The following JPH2 variants were observed in gnomAD, a reference collection of about 807,000 sequenced individuals.
JPH2 encodes junctophilin 2.
In JPH2, 38 loss-of-function variants were observed where a neutral mutation model predicts 55.9. That is an observed-to-expected ratio of 0.68 (90% CI 0.52 to 0.89). The LOEUF is 0.89. Ranked by LOEUF, JPH2 falls within the 40% of genes least tolerant of loss-of-function variation. The pLI is 0.00. For missense variants in JPH2, 964 were observed against 1,037.6 expected, an observed-to-expected ratio of 0.93 and a Z score of 0.97; for synonymous variants, 480 against 472.4, an observed-to-expected ratio of 1.02 and a Z score of -0.21.
chr20:44,165,653 G>T (rs1252024571), intron 1 of JPH2, among the ~76,000 whole-genome samples: 2 of 152,128 alleles, frequency 1.3e-5, no homozygotes, highest in Non-Finnish European at 2.9e-5. Context: ...ACTCCTCTGT[G>T]CTCCTCTCCC....
Position 44,186,759 on chromosome 20 carries a change from T to C in JPH2, c.-54A>G, listed in dbSNP as rs942166141. 3.2e-5 allele frequency: 50 copies of C among 1,560,090 alleles called. No homozygotes were observed. Among genetic ancestry groups the C allele is most frequent in the Non-Finnish European group, 3.9e-5 (45 of 1,146,694 alleles). ...TCCTCCAGCGTGGGTGCAGAGGGCGTGGGTGATGCCTGCAACACTCCTCCA... is the reference window on the plus strand; with the variant it reads ...TCCTCCAGCGTGGGTGCAGAGGGCGCGGGTGATGCCTGCAACACTCCTCCA... On this transcript the variant is annotated 5_prime_UTR_variant, in exon 1 of 6. Coordinates refer to ENST00000372980, the MANE Select transcript of JPH2 (RefSeq NM_020433.5).
chr20:44,120,848 G>A (rs1271809713), intron 2 of JPH2, among the ~76,000 whole-genome samples: 1 of 152,218 alleles, frequency 6.6e-6, no homozygotes. Flanking sequence ...ATGGGCAAGG[G>A]TTAGACAAGC....
At chr20:44,172,580 C>T (rs902575210) in intron 1 of JPH2, among the ~76,000 whole-genome samples, 2 of 152,170 alleles carry the variant, frequency 1.3e-5, no homozygotes, top group African/African-American at 4.8e-5. Context: ...GCAGCCTCAA[C>T]CTCCTGGGCT....
intron 3 of JPH2, among the ~76,000 whole-genome samples, chr20:44,116,903 G>A (rs2072197329): frequency 1.3e-5 from 2 of 152,224 alleles, no homozygotes; most frequent in South Asian, 4.1e-4. Context: ...TCGCTCCTAG[G>A]TTTTTCATCA....
intron 1 of JPH2, among the ~76,000 whole-genome samples, chr20:44,161,349 T>G (rs896100782): frequency 6.6e-6 from 1 of 152,052 alleles, no homozygotes; most frequent in Admixed American, 6.5e-5. Flanking sequence ...AGGCCCTGCA[T>G]GTACACAAGT....
chr20:44,128,585 G>A (rs1290626327), intron 2 of JPH2, among the ~76,000 whole-genome samples: 4 of 152,014 alleles, frequency 2.6e-5, no homozygotes, highest in East Asian at 1.9e-4. Context: ...AAGACATATT[G>A]TATGCACTAT....
chr20:44,133,175 A>G (rs2145852690), intron 2 of JPH2, among the ~76,000 whole-genome samples: 1 of 138,506 alleles, frequency 7.2e-6, no homozygotes, highest in Non-Finnish European at 1.5e-5. Flanking sequence ...ATGCCTTAAC[A>G]TACCTTGTTA....
chr20:44,181,405 A>G (rs1455286741), intron 1 of JPH2, among the ~76,000 whole-genome samples: 17 of 152,176 alleles, frequency 1.1e-4, no homozygotes, highest in Admixed American at 1.1e-3. Flanking sequence ...CTTTCAGAAA[A>G]TAATACTTTA....
intron 2 of JPH2, among the ~76,000 whole-genome samples, chr20:44,147,403 C>T (rs1264712042): frequency 6.6e-6 from 1 of 152,210 alleles, no homozygotes; most frequent in Non-Finnish European, 1.5e-5. Context: ...ACACTACGGA[C>T]TAGCATACAG....
At position 44,108,925 on chromosome 20, in the gene JPH2, A is replaced by G; in HGVS notation, c.*4593T>C. Among the ~76,000 whole-genome samples, 1 of 152,224 alleles carries G rather than the reference A, an allele frequency of 6.6e-6. No individual in the cohort carries two copies. Among genetic ancestry groups the G allele is most frequent in the East Asian group, 1.9e-4 (1 of 5,198 alleles). On this transcript the variant is annotated 3_prime_UTR_variant, in exon 6 of 6. Coordinates refer to ENST00000372980, the MANE Select transcript of JPH2 (RefSeq NM_020433.5). ...TGAGCTGATATCTTAGAGTGCCTCC[A>G]TCTCTGACAACCTAAGGAGTTATTT... is the stretch of plus-strand genomic sequence containing the variant.
intron 2 of JPH2, among the ~76,000 whole-genome samples, chr20:44,158,371 A>G (rs532024242): frequency 2.6e-5 from 4 of 152,222 alleles, no homozygotes; most frequent in Non-Finnish European, 4.4e-5. Context: ...GACAAAAAAT[A>G]AGGCTGGGTA....
intron 1 of JPH2, among the ~76,000 whole-genome samples, chr20:44,181,677 T>A (rs1189186134): frequency 2.6e-5 from 4 of 152,174 alleles, no homozygotes; most frequent in Non-Finnish European, 5.9e-5. Flanking sequence ...CCTCCCAGCT[T>A]TTGCATGCTC....
At chr20:44,149,354 G>A (rs142477952) in intron 2 of JPH2, among the ~76,000 whole-genome samples, 19 of 152,356 alleles carry the variant, frequency 1.2e-4, no homozygotes, top group South Asian at 6.2e-4. Flanking sequence ...TGGGCAGACC[G>A]CTCCCAGCTC....
Position 44,116,259 on chromosome 20 carries a change from C to A in JPH2, c.1416G>T (p.Leu472=). 6.6e-7 allele frequency: 1 copy of A among 1,516,840 alleles called. No homozygotes were observed. The allele number at this position is 1,516,840 out of a possible 1,614,324, so 94.0% of individuals were successfully genotyped here. ...CGGGCCGAGGGGTCTCACGCTCGTGCAGCTGCGGGCTCTCGCGGGGCGGCT... is the reference window on the plus strand; with the variant it reads ...CGGGCCGAGGGGTCTCACGCTCGTGAAGCTGCGGGCTCTCGCGGGGCGGCT... ...LPQPPRESPQ[L]HERETPRPEG... The change falls in exon 4 of 6, where the codon CTG becomes CTT. Residue 472 remains leucine (L), a synonymous_variant. Coordinates refer to ENST00000372980, the MANE Select transcript of JPH2 (RefSeq NM_020433.5).
Position 44,115,892 on chromosome 20 carries a change from C to T in JPH2, c.1783G>A (p.Ala595Thr), listed in dbSNP as rs528177590. 1.2e-5 allele frequency: 19 copies of T among 1,577,592 alleles called. No homozygotes were observed. Among genetic ancestry groups the T allele is most frequent in the African/African-American group, 9.4e-5 (7 of 74,418 alleles). Reference sequence around the variant, plus strand: ...GGGGCGGTGGCCGGGGACGAGGGCGCGGACTCGGACCCGGAGACCTCGGGC... The same window carrying T: ...GGGGCGGTGGCCGGGGACGAGGGCGTGGACTCGGACCCGGAGACCTCGGGC... ...PEPEVSGSESAPSSPATAPLQ... is the reference protein window; with the variant it reads ...PEPEVSGSESTPSSPATAPLQ... The change falls in exon 4 of 6, where the codon GCG (alanine) becomes ACG (threonine). Residue 595 changes from alanine (A) to threonine (T), a missense_variant. Physicochemically the swap from Ala to Thr is moderately conservative, Grantham distance 58 (BLOSUM62 0). Transcript: ENST00000372980.
chr20:44,151,421 G>GC (rs1224075129), intron 2 of JPH2, among the ~76,000 whole-genome samples: 1 of 152,112 alleles, frequency 6.6e-6, no homozygotes, highest in African/African-American at 2.4e-5. Flanking sequence ...GGAAGCTGAG[G>GC]CAGGAGAATC....
chr20:44,146,044 T>C, intron 2 of JPH2, among the ~76,000 whole-genome samples: 1 of 151,362 alleles, frequency 6.6e-6, no homozygotes, highest in South Asian at 2.1e-4. Context: ...TCTTTTTTTT[T>C]TTTTTTTGAG....
At chr20:44,168,664 C>T (rs1487663290) in intron 1 of JPH2, among the ~76,000 whole-genome samples, 4 of 152,192 alleles carry the variant, frequency 2.6e-5, no homozygotes, top group East Asian at 1.9e-4. Flanking sequence ...CACAGCCAAG[C>T]GTCCTGACTA....
intron 2 of JPH2, among the ~76,000 whole-genome samples, chr20:44,148,289 A>G (rs1282341880): frequency 6.6e-6 from 1 of 152,236 alleles, no homozygotes; most frequent in East Asian, 1.9e-4. Context: ...AATGAATGTC[A>G]TCCAATAGCG....
Sources: allele counts gnomAD v4.1 joint callset (sites outside exome capture counted in the v4.1 genomes callset), GRCh38; gene constraint gnomAD v4.1.1; transcripts MANE v1.5; gene names NCBI Gene and HGNC (gene_info 2026-07-23, HGNC 2026-07-21).